The following EDA variants were observed in gnomAD, a reference collection of about 807,000 sequenced individuals.
The protein encoded by EDA is ectodysplasin-A.
In EDA, 2 loss-of-function variants were observed where a neutral mutation model predicts 23.6. The observed-to-expected ratio is 0.08, with a 90% confidence interval of 0.03 to 0.27. The LOEUF is 0.27. EDA is among the 10% of genes least tolerant of loss of function. The pLI, the probability that EDA is intolerant of heterozygous loss-of-function variation, is 1.00. For synonymous variants in EDA, 131 were observed against 132.0 expected (o/e 0.99, Z 0.05); for missense variants, 229 against 324.2 (o/e 0.71, Z 2.26).
At chrX:69,975,423 A>G (rs1016353874) in intron 2 of EDA, among the ~76,000 whole-genome samples, 6 of 110,905 alleles carry the variant, frequency 5.4e-5, no homozygotes, top group South Asian at 7.7e-4. Flanking sequence ...TCGGGTACAT[A>G]TGGACATAAA....
At chrX:69,616,945 C>A in intron 1 of EDA, 1 of 445,844 alleles carries the variant, frequency 2.2e-6, no homozygotes, top group Non-Finnish European at 3.9e-6. Context: ...GCCCGCGGCC[C>A]CTGGCTGCGG....
chrX:69,896,161 C>T (rs1042505047), intron 1 of EDA, among the ~76,000 whole-genome samples: 18 of 111,178 alleles, frequency 1.6e-4, no homozygotes, highest in African/African-American at 2.6e-4. Context: ...TCTGTGAGCA[C>T]GCATTTCTGA....
intron 1 of EDA, among the ~76,000 whole-genome samples, chrX:69,946,553 T>C (rs1310149256): frequency 8.9e-6 from 1 of 112,054 alleles, no homozygotes; most frequent in Non-Finnish European, 1.9e-5. Context: ...CCTTAAAATT[T>C]TTCCCACTAC....
chrX:69,832,003 T>C (rs1308179054), intron 1 of EDA, among the ~76,000 whole-genome samples: 1 of 111,730 alleles, frequency 9.0e-6, no homozygotes, highest in Non-Finnish European at 1.9e-5. Context: ...TTCACTCTGA[T>C]GGTAGTTTCT....
At chrX:69,771,180 C>T (rs888152558) in intron 1 of EDA, among the ~76,000 whole-genome samples, 2 of 110,462 alleles carry the variant, frequency 1.8e-5, no homozygotes, top group African/African-American at 3.3e-5. Flanking sequence ...CCTCAGCCCC[C>T]CCAAGTCGCT....
At chrX:69,987,040 C>G (rs1340998929) in intron 2 of EDA, among the ~76,000 whole-genome samples, 1 of 79,139 alleles carries the variant, frequency 1.3e-5, no homozygotes, top group Non-Finnish European at 2.3e-5. Flanking sequence ...AACCAAACAC[C>G]GCATATTCTC....
intron 1 of EDA, among the ~76,000 whole-genome samples, chrX:69,751,716 T>C (rs752755536): frequency 5.4e-5 from 6 of 111,919 alleles, no homozygotes; most frequent in South Asian, 3.7e-4. Flanking sequence ...CAGTGGTTTA[T>C]AGTTCTCCTT....
At chrX:69,826,333 T>G (rs1196186104) in intron 1 of EDA, among the ~76,000 whole-genome samples, 1 of 110,024 alleles carries the variant, frequency 9.1e-6, no homozygotes, top group Non-Finnish European at 1.9e-5. Flanking sequence ...TGTGGGAGTC[T>G]AAGTCTCTTT....
At chrX:69,782,080 A>G (rs913747038) in intron 1 of EDA, among the ~76,000 whole-genome samples, 3 of 109,870 alleles carry the variant, frequency 2.7e-5, no homozygotes, top group African/African-American at 9.9e-5. Flanking sequence ...TGCAATGCTC[A>G]CTTTGTTCCC....
At chrX:69,887,636 A>T (rs1379802915) in intron 1 of EDA, among the ~76,000 whole-genome samples, 3 of 112,194 alleles carry the variant, frequency 2.7e-5, no homozygotes, top group Non-Finnish European at 5.6e-5. Flanking sequence ...AAGGTACATT[A>T]TATTCAAATT....
chrX:69,786,060 G>C (rs987232187), intron 1 of EDA, among the ~76,000 whole-genome samples: 1 of 108,998 alleles, frequency 9.2e-6, no homozygotes, highest in Non-Finnish European at 1.9e-5. Context: ...ATTTCTTCTA[G>C]ATTTTCTAGT....
intron 1 of EDA, among the ~76,000 whole-genome samples, chrX:69,691,618 G>T (rs1934713386): frequency 9.0e-6 from 1 of 111,378 alleles, no homozygotes; most frequent in African/African-American, 3.3e-5. Flanking sequence ...ATCATGCTCT[G>T]TATTATTTTC....
At chrX:69,705,682 G>T (rs1478446254) in intron 1 of EDA, among the ~76,000 whole-genome samples, 4 of 111,791 alleles carry the variant, frequency 3.6e-5, no homozygotes, top group Non-Finnish European at 7.5e-5. Context: ...GAAATGTTGG[G>T]GGACCAACAG....
At chrX:69,833,645 A>G (rs1481783536) in intron 1 of EDA, among the ~76,000 whole-genome samples, 2 of 111,030 alleles carry the variant, frequency 1.8e-5, no homozygotes, top group African/African-American at 6.6e-5. Context: ...TACCTCTGGT[A>G]GAATTCGGCT....
chrX:69,947,579 G>A (rs748515105), intron 1 of EDA, among the ~76,000 whole-genome samples: 109 of 112,082 alleles, frequency 9.7e-4, no homozygotes, highest in African/African-American at 3.5e-3. Context: ...TACCAAAGAT[G>A]CTTTGGTTTC....
intron 1 of EDA, among the ~76,000 whole-genome samples, chrX:69,866,242 G>T (rs758804234): frequency 9.0e-6 from 1 of 110,966 alleles, no homozygotes. Context: ...GCTAAGAGAC[G>T]CCCTAATGGA....
chrX:69,886,365 C>T (rs752955982), intron 1 of EDA, among the ~76,000 whole-genome samples: 1 of 111,521 alleles, frequency 9.0e-6, no homozygotes, highest in East Asian at 2.8e-4. Context: ...GCTCCAGTGC[C>T]TCTCAACTGT....
At chrX:69,825,650 C>T (rs2016402633) in intron 1 of EDA, among the ~76,000 whole-genome samples, 1 of 113,341 alleles carries the variant, frequency 8.8e-6, no homozygotes, top group Admixed American at 9.3e-5. Context: ...AAAAACCCAG[C>T]TCCTGGATTC....
chrX:69,775,404 A>G (rs1206556866), intron 1 of EDA, among the ~76,000 whole-genome samples: 1 of 112,113 alleles, frequency 8.9e-6, no homozygotes, highest in Non-Finnish European at 1.9e-5. Context: ...TATAGCTCCC[A>G]GAGCTACATA....
Sources: gnomAD v4.1 joint callset for allele counts (sites outside exome capture counted in the v4.1 genomes callset) on GRCh38, gnomAD v4.1.1 for gene constraint, MANE v1.5 for transcripts, NCBI Gene and HGNC (gene_info 2026-07-23, HGNC 2026-07-21) for gene names.